Variants in RIPOR2 observed in about 807,000 individuals in gnomAD.
The protein encoded by RIPOR2 is RHO family interacting cell polarization regulator 2.
In RIPOR2, 39 loss-of-function variants were observed where a neutral mutation model predicts 114.5. That is an observed-to-expected ratio of 0.34 (90% confidence interval 0.26 to 0.44). The LOEUF is 0.44. Among genes scored for constraint, RIPOR2 ranks in the 20% least tolerant of loss-of-function variants. RIPOR2 has a pLI of 1.00. For missense variants in RIPOR2, 1,007 were observed against 1,255.1 expected, an observed-to-expected ratio of 0.80 and a Z score of 2.99; for synonymous variants, 445 against 484.4, an observed-to-expected ratio of 0.92 and a Z score of 1.07.
At chr6:24,868,581 T>C (rs924641215) in intron 6 of RIPOR2, among the ~76,000 whole-genome samples, 1 of 152,020 alleles carries the variant, frequency 6.6e-6, no homozygotes, top group Non-Finnish European at 1.5e-5. Flanking sequence ...GTAGTGCACA[T>C]CTAGGGGAGA....
chr6:25,023,437 G>A (rs777440561), intron 1 of RIPOR2: 104 of 765,198 alleles, frequency 1.4e-4, no homozygotes, highest in Admixed American at 4.3e-4. Context: ...CCTTGAGGAC[G>A]GACACCTGCG....
intron 2 of RIPOR2, 118 bp from the exon 3 acceptor site, chr6:24,873,917 AGGCTGGAGTAT>A (rs1765459302): frequency 1.2e-6 from 1 of 861,230 alleles, no homozygotes; most frequent in African/African-American, 1.7e-5. Flanking sequence ...TCTGTCATCC[AGGCTGGAGTAT>A]GGTGGTGTGA....
In RIPOR2 at chr6:24,843,050, T is replaced by C. The variant is rs753035122; in HGVS notation, c.1669A>G (p.Met557Val). Residue 557 changes from methionine to valine, a missense_variant, in exon 13 of 22, where the codon ATG becomes GTG. Met to Val is a conservative substitution (Grantham distance 21). Transcript: ENST00000643898. ...TCAGAGAGCAGCCTGTCTGTGGCCA[T>C]TGGCACCTCTGCAGATGTGAGCCTC... ...VKRLTSAEVP[M>V]ATDRLLSEGS... 10 of 1,612,778 alleles carry C rather than the reference T, an allele frequency of 6.2e-6. No homozygotes were observed. The highest frequency in any genetic ancestry group is 5.3e-5 in the African/African-American group (4 of 74,912).
intron 19 of RIPOR2, among the ~76,000 whole-genome samples, chr6:24,819,064 A>T (rs1049544744): frequency 6.6e-6 from 1 of 151,974 alleles, no homozygotes; most frequent in Non-Finnish European, 1.5e-5. Context: ...CTCATGTGTC[A>T]TTCCAAGATT....
At chr6:24,999,089 T>C (rs1300655619) in intron 1 of RIPOR2, among the ~76,000 whole-genome samples, 1 of 152,156 alleles carries the variant, frequency 6.6e-6, no homozygotes, top group Non-Finnish European at 1.5e-5. Context: ...TTGATTTGGA[T>C]GTGAGACAGG....
rs138648336 is a variant in RIPOR2, at chr6:24,871,338, T to C, written c.424-449A>G. 3.6e-3 allele frequency among the ~76,000 whole-genome samples: 541 copies of C among 152,262 alleles called. 1 individual carries two copies. Among genetic ancestry groups the C allele is most frequent in the Non-Finnish European group, 5.4e-3 (368 of 68,006 alleles). The stretch of plus-strand genomic sequence containing the variant: ...TGCCTCGCTGTCTAAACAAATAAAA[T>C]TGATATTTAAGAAGAGTTTTGTTTT... On this transcript the variant is annotated intron_variant, in intron 4 of 21. Transcript: ENST00000643898.
At chr6:25,035,327 C>T (rs1047783847) in intron 1 of RIPOR2, among the ~76,000 whole-genome samples, 1 of 152,208 alleles carries the variant, frequency 6.6e-6, no homozygotes, top group Non-Finnish European at 1.5e-5. Flanking sequence ...CACTGACCTC[C>T]TCTCAAATCT....
At chr6:24,844,296 G>A (rs570431654) in intron 12 of RIPOR2, among the ~76,000 whole-genome samples, 1 of 152,112 alleles carries the variant, frequency 6.6e-6, no homozygotes, top group African/African-American at 2.4e-5. Flanking sequence ...GCAGAACTCT[G>A]AAGAGAGAGG....
chr6:25,039,363 C>T (rs1777377100), intron 1 of RIPOR2, among the ~76,000 whole-genome samples: 1 of 152,144 alleles, frequency 6.6e-6, no homozygotes, highest in Non-Finnish European at 1.5e-5. Context: ...CCAAAAATGT[C>T]ACTTGATCCT....
intron 1 of RIPOR2, among the ~76,000 whole-genome samples, chr6:24,983,852 GC>G (rs1307953253): frequency 2.0e-5 from 3 of 149,804 alleles, no homozygotes; most frequent in African/African-American, 7.4e-5. Flanking sequence ...CTGAGCCTCT[GC>G]AGCTAGGTGT....
chr6:24,967,296 T>G (rs1297513697), intron 1 of RIPOR2, among the ~76,000 whole-genome samples: 2 of 152,180 alleles, frequency 1.3e-5, no homozygotes, highest in Non-Finnish European at 2.9e-5. Context: ...TGTGGATGTG[T>G]GGAACTGGTG....
intron 1 of RIPOR2, among the ~76,000 whole-genome samples, chr6:24,889,532 T>C (rs1767127918): frequency 6.6e-6 from 1 of 152,156 alleles, no homozygotes; most frequent in Non-Finnish European, 1.5e-5. Flanking sequence ...AATTAATTAT[T>C]GATAAAGAGA....
At chr6:24,933,286 T>C (rs1365034539) in intron 1 of RIPOR2, among the ~76,000 whole-genome samples, 7 of 152,192 alleles carry the variant, frequency 4.6e-5, no homozygotes, top group Non-Finnish European at 1.0e-4. Flanking sequence ...TTCCCTATCA[T>C]AACACTTAAG....
In RIPOR2 at chr6:24,830,642, A is replaced by C; in HGVS notation, c.2373T>G (p.Ser791=). 1 of 1,551,384 alleles carries C rather than the reference A, an allele frequency of 6.4e-7. No individual in the cohort carries two copies. Among genetic ancestry groups the C allele is most frequent in the South Asian group, 1.2e-5 (1 of 84,044 alleles). ...AGCACTTGGTCCAGAATGACAGCAA[A>C]GACAGCTTTTTGTGAAATTCTGGTA... ...EAIPEFHKKL[S]LLSFWTKCCS... is the part of the protein sequence containing the mutation. The change falls in exon 17 of 22, where the codon TCT becomes TCG. Residue 791 remains serine (S), a synonymous_variant. Coordinates refer to ENST00000643898, the MANE Select transcript of RIPOR2 (RefSeq NM_001286445.3).
chr6:24,875,304 T>G (rs1221576771), intron 2 of RIPOR2, among the ~76,000 whole-genome samples: 1 of 152,250 alleles, frequency 6.6e-6, no homozygotes. Flanking sequence ...AACCTCTGTC[T>G]GAATTACATC....
chr6:24,945,950 G>A (rs944212064), intron 1 of RIPOR2, among the ~76,000 whole-genome samples: 1 of 151,994 alleles, frequency 6.6e-6, no homozygotes, highest in Non-Finnish European at 1.5e-5. Flanking sequence ...TGTAGCAAAA[G>A]TAATATTCAT....
At chr6:25,033,031 T>A (rs1255110211) in intron 1 of RIPOR2, among the ~76,000 whole-genome samples, 2 of 152,086 alleles carry the variant, frequency 1.3e-5, no homozygotes, top group Non-Finnish European at 2.9e-5. Flanking sequence ...AGAGCAAGAT[T>A]CTGTCTCTAC....
At chr6:24,927,264 C>A (rs58270299) in intron 1 of RIPOR2, among the ~76,000 whole-genome samples, 2 of 14,574 alleles carry the variant, frequency 1.4e-4, no homozygotes, top group Admixed American at 6.1e-4. Context: ...CCACCACCAC[C>A]ACAGCTACAA....
At chr6:25,039,915 C>T (rs1461663772) in intron 1 of RIPOR2, among the ~76,000 whole-genome samples, 1 of 152,056 alleles carries the variant, frequency 6.6e-6, no homozygotes, top group Admixed American at 6.6e-5. Flanking sequence ...AAATTGTTTG[C>T]TTGTCTTTGA....
Sources: gnomAD v4.1 joint callset for allele counts (sites outside exome capture counted in the v4.1 genomes callset) on GRCh38, gnomAD v4.1.1 for gene constraint, MANE v1.5 for transcripts, NCBI Gene and HGNC (gene_info 2026-07-23, HGNC 2026-07-21) for gene names.